The following ZNF474 variants were observed in gnomAD, a reference collection of about 807,000 sequenced individuals.
The protein encoded by ZNF474 is 4933409D10Rik.
For synonymous variants in ZNF474, 192 were observed against 162.2 expected (o/e 1.18, Z -1.39); for missense variants, 511 against 433.8 (o/e 1.18, Z -1.58).
intron 1 of ZNF474, among the ~76,000 whole-genome samples, chr5:122,130,580 A>C (rs1219858047): frequency 6.6e-6 from 1 of 152,126 alleles, no homozygotes; most frequent in African/African-American, 2.4e-5. Flanking sequence ...TGTTTATTAC[A>C]TTGATTGGTA....
intron 1 of ZNF474, among the ~76,000 whole-genome samples, chr5:122,146,203 A>G (rs1466736987): frequency 6.6e-6 from 1 of 152,224 alleles, no homozygotes; most frequent in Non-Finnish European, 1.5e-5. Flanking sequence ...CAAAGCAGAA[A>G]TGGGCTGTGC....
intron 1 of ZNF474, among the ~76,000 whole-genome samples, chr5:122,148,173 A>T (rs1337994097): frequency 6.6e-6 from 1 of 152,250 alleles, no homozygotes; most frequent in Non-Finnish European, 1.5e-5. Context: ...AGCAACCAAC[A>T]CTGCTGTGCC....
intron 1 of ZNF474, among the ~76,000 whole-genome samples, chr5:122,130,864 A>G (rs1277921961): frequency 1.3e-5 from 2 of 152,112 alleles, no homozygotes; most frequent in African/African-American, 4.8e-5. Flanking sequence ...AATGCTTGAG[A>G]TCTACTATCT....
chr5:122,151,775 A>G lies in ZNF474; in HGVS notation c.-212-4A>G, dbSNP rs1053093345. 2.5e-4 allele frequency: 130 copies of G among 519,658 alleles called. No individual in the cohort carries two copies. Among genetic ancestry groups the G allele is most frequent in the Non-Finnish European group, 6.4e-5 (19 of 295,652 alleles). The allele number at this position is 519,658 out of a possible 1,614,324, so 32.2% of individuals were successfully genotyped here. ...CTTCTTATGTCTCCCACCCGCCTCC[A>G]CAGATCTTGGAGACATCTCAGCTTT... On this transcript the variant is annotated splice_polypyrimidine_tract_variant and splice_region_variant and intron_variant, in intron 1 of 1. Coordinates refer to ENST00000296600, the MANE Select transcript of ZNF474 (RefSeq NM_207317.3).
chr5:122,134,973 G>A (rs1007289151), intron 1 of ZNF474, among the ~76,000 whole-genome samples: 1 of 152,122 alleles, frequency 6.6e-6, no homozygotes, highest in Non-Finnish European at 1.5e-5. Flanking sequence ...AAAAGCACAG[G>A]CAACCAAAAC....
intron 1 of ZNF474, among the ~76,000 whole-genome samples, chr5:122,141,332 G>C (rs1402890746): frequency 1.9e-4 from 24 of 124,334 alleles, no homozygotes; most frequent in African/African-American, 8.9e-4. Context: ...TTTTGTGAGA[G>C]GGAGTCTCCC....
Position 122,141,095 on chromosome 5 carries a change from TTTTTATTTTA to T in ZNF474, c.-212-10614_-212-10605del, listed in dbSNP as rs201853082. Among the ~76,000 whole-genome samples, 260 of 53,310 alleles carry T rather than the reference TTTTTATTTTA, an allele frequency of 4.9e-3. 1 individual carries two copies. The highest frequency in any genetic ancestry group is 0.024 in the South Asian group (32 of 1,328). The allele number at this position is 53,310 out of a possible 152,430, so 35.0% of individuals were successfully genotyped here. On this transcript the variant is annotated intron_variant, in intron 1 of 1. Coordinates refer to ENST00000296600, the MANE Select transcript of ZNF474 (RefSeq NM_207317.3). ...GTGTTTTCAGCTTTTATTTTTTTAT[TTTTTATTTTA>T]TTTTATTTTATTTTATTTTATTTTA...
intron 1 of ZNF474, among the ~76,000 whole-genome samples, chr5:122,140,632 A>G (rs889771036): frequency 6.6e-6 from 1 of 152,216 alleles, no homozygotes; most frequent in African/African-American, 2.4e-5. Context: ...CTGCAATTAA[A>G]TCCAAAGGGA....
intron 1 of ZNF474, among the ~76,000 whole-genome samples, chr5:122,134,599 T>C (rs1330236277): frequency 3.3e-5 from 5 of 152,196 alleles, no homozygotes; most frequent in Non-Finnish European, 5.9e-5. Context: ...TAAAATTTTA[T>C]TTACAAAAGA....
At chr5:122,130,734 G>A (rs747009392) in intron 1 of ZNF474, among the ~76,000 whole-genome samples, 1 of 152,106 alleles carries the variant, frequency 6.6e-6, no homozygotes, top group South Asian at 2.1e-4. Flanking sequence ...AAAATCACAT[G>A]TATTTGGGGT....
chr5:122,150,561 T>G (rs1311696927), intron 1 of ZNF474, among the ~76,000 whole-genome samples: 1 of 152,202 alleles, frequency 6.6e-6, no homozygotes, highest in Non-Finnish European at 1.5e-5. Context: ...TACCAGGGGC[T>G]GCTCTTCTGT....
At chr5:122,151,206 A>T (rs1340926199) in intron 1 of ZNF474, among the ~76,000 whole-genome samples, 1 of 152,232 alleles carries the variant, frequency 6.6e-6, no homozygotes, top group African/African-American at 2.4e-5. Context: ...GAAACAGTTG[A>T]CAAATTATTT....
In ZNF474 at chr5:122,152,182, G is replaced by A. The variant is rs753954067; in HGVS notation, c.192G>A (p.Gly64=). 4.3e-6 allele frequency: 7 copies of A among 1,614,128 alleles called. No homozygotes were observed. In the South Asian group the frequency reaches 6.6e-5, roughly 15 times the overall value. ...IKTDTQKKRP[G]TVILSKLSSR... The stretch of plus-strand genomic sequence containing the variant: ...CAGACACTCAGAAAAAGAGACCTGG[G>A]ACTGTGATACTATCAAAACTGTCAA... The change falls in exon 2 of 2, where the codon GGG becomes GGA. Residue 64 remains glycine (G), a synonymous_variant. Transcript: ENST00000296600.
At position 122,134,596 on chromosome 5, in the gene ZNF474, T is replaced by G. The variant is rs189786282; in HGVS notation, c.-213+4913T>G. 1.2e-4 allele frequency among the ~76,000 whole-genome samples: 18 copies of G among 152,292 alleles called. No homozygotes were observed. The East Asian group carries it at 3.5e-3, about 29-fold the overall frequency. On this transcript the variant is annotated intron_variant, in intron 1 of 1. Coordinates refer to ENST00000296600, the MANE Select transcript of ZNF474 (RefSeq NM_207317.3). Reference sequence around the variant, plus strand: ...AACATGGCTGTATTTCAATAAAATTTTATTTACAAAAGAGCTGAACGATGG... The same window carrying G: ...AACATGGCTGTATTTCAATAAAATTGTATTTACAAAAGAGCTGAACGATGG...
intron 1 of ZNF474, among the ~76,000 whole-genome samples, chr5:122,147,426 C>A (rs1039485584): frequency 1.3e-5 from 2 of 152,148 alleles, no homozygotes; most frequent in Non-Finnish European, 2.9e-5. Context: ...GCACAACGTG[C>A]AGTTTCGATA....
intron 1 of ZNF474, among the ~76,000 whole-genome samples, chr5:122,149,404 T>G (rs1013473432): frequency 2.6e-5 from 4 of 152,202 alleles, no homozygotes; most frequent in Admixed American, 6.5e-5. Flanking sequence ...GTGCCTTGTC[T>G]GCACTCCTCC....
At position 122,133,852 on chromosome 5, in the gene ZNF474, G is replaced by A. The variant is rs367681451; in HGVS notation, c.-213+4169G>A. Among the ~76,000 whole-genome samples the A allele has an allele frequency of 4.9e-4, 75 of 152,288 alleles. 2 individuals are homozygous for A. In the South Asian group the frequency reaches 0.01, roughly 21 times the overall value. The stretch of plus-strand genomic sequence containing the variant: ...TGAGATTACAGGCGTGAGCCATAGC[G>A]CCCAGCTCCAGCTTATTTTAGAATT... On this transcript the variant is annotated intron_variant, in intron 1 of 1. Transcript: ENST00000296600.
At chr5:122,142,141 C>A (rs1455826842) in intron 1 of ZNF474, among the ~76,000 whole-genome samples, 1 of 152,192 alleles carries the variant, frequency 6.6e-6, no homozygotes, top group African/African-American at 2.4e-5. Flanking sequence ...TTTCTAATGG[C>A]ATCTTATCCT....
intron 1 of ZNF474, among the ~76,000 whole-genome samples, chr5:122,150,082 A>T (rs1756124739): frequency 1.3e-5 from 2 of 152,214 alleles, no homozygotes; most frequent in Admixed American, 1.3e-4. Flanking sequence ...AAGGAAAATG[A>T]TAAACTAAAA....
Sources: gnomAD v4.1 joint callset for allele counts (sites outside exome capture counted in the v4.1 genomes callset) on GRCh38, gnomAD v4.1.1 for gene constraint, MANE v1.5 for transcripts, NCBI Gene and HGNC (gene_info 2026-07-23, HGNC 2026-07-21) for gene names.